Variants in MGLL observed in about 807,000 individuals in gnomAD.
The protein encoded by MGLL is lysophospholipase homolog.
In MGLL, 7 loss-of-function variants were observed where a neutral mutation model predicts 29.1. That is an observed-to-expected ratio of 0.24 (90% CI 0.14 to 0.45). MGLL has a LOEUF of 0.45. Ranked by LOEUF, MGLL falls within the 20% of genes least tolerant of loss-of-function variation. The pLI is 0.99. For missense variants in MGLL, 356 were observed against 413.6 expected, an observed-to-expected ratio of 0.86 and a Z score of 1.21; for synonymous variants, 148 against 168.3, an observed-to-expected ratio of 0.88 and a Z score of 0.93.
intron 3 of MGLL, 96 bp downstream of exon 3, chr3:127,781,693 G>T: frequency 1.8e-6 from 2 of 1,118,752 alleles, no homozygotes; most frequent in East Asian, 2.3e-5. Flanking sequence ...GGGAATAGAA[G>T]AATTGAGAAG....
At chr3:127,748,874 C>T (rs2076503862) in intron 3 of MGLL, among the ~76,000 whole-genome samples, 1 of 152,208 alleles carries the variant, frequency 6.6e-6, no homozygotes, top group Admixed American at 6.5e-5. Context: ...CTCACTGCCA[C>T]GTGACTCTGT....
chr3:127,766,421 A>C (rs1369899342), intron 3 of MGLL, among the ~76,000 whole-genome samples: 1 of 152,196 alleles, frequency 6.6e-6, no homozygotes, highest in Non-Finnish European at 1.5e-5. Context: ...AGTAAATCCT[A>C]CTCAGAAAAT....
At chr3:127,788,486 A>G (rs1412403850) in intron 2 of MGLL, among the ~76,000 whole-genome samples, 1 of 152,152 alleles carries the variant, frequency 6.6e-6, no homozygotes, top group Non-Finnish European at 1.5e-5. Flanking sequence ...AACACCACGT[A>G]ATGGTCAGGT....
At chr3:127,741,002 G>A (rs1176490552) in intron 3 of MGLL, among the ~76,000 whole-genome samples, 2 of 152,162 alleles carry the variant, frequency 1.3e-5, no homozygotes, top group African/African-American at 2.4e-5. Flanking sequence ...TGCTCCCCAC[G>A]GCTACCCCCA....
chr3:127,816,823 G>C (rs539842912), intron 2 of MGLL, among the ~76,000 whole-genome samples: 8 of 152,356 alleles, frequency 5.3e-5, no homozygotes, highest in African/African-American at 1.7e-4. Context: ...CTGCAGGAGG[G>C]AGGAGCCCTG....
chr3:127,701,057 A>T (rs1384022771), intron 6 of MGLL, among the ~76,000 whole-genome samples: 2 of 151,922 alleles, frequency 1.3e-5, no homozygotes, highest in Non-Finnish European at 2.9e-5. Flanking sequence ...TCTACAAAAA[A>T]TACAAAAATT....
Position 127,691,963 on chromosome 3 carries a change from C to A in MGLL, c.*235G>T. The A allele has an allele frequency of 1.0e-5, 6 of 574,016 alleles. No individual in the cohort carries two copies. The South Asian group carries it at 1.3e-4, about 12-fold the overall frequency. The allele number at this position is 574,016 out of a possible 1,614,324, so 35.6% of individuals were successfully genotyped here. A position where few individuals can be genotyped will look rare whatever the true frequency, so the allele number is the denominator to read the frequency against. On this transcript the variant is annotated 3_prime_UTR_variant, in exon 8 of 8. Coordinates refer to ENST00000265052, the MANE Select transcript of MGLL (RefSeq NM_007283.7). ...TTAGCACATTCTTTGTGGAAAATCA[C>A]CTGGGACCTTTCTCTTTTTTTGCAT...
intron 4 of MGLL, among the ~76,000 whole-genome samples, chr3:127,721,485 T>C (rs9817523): frequency 2.4e-3 from 331 of 140,312 alleles, no homozygotes; most frequent in African/African-American, 7.9e-3. Flanking sequence ...AATTCATCCA[T>C]CCCGACAGGC....
intron 2 of MGLL, among the ~76,000 whole-genome samples, chr3:127,805,037 C>T (rs758447696): frequency 1.5e-4 from 23 of 152,182 alleles, no homozygotes; most frequent in East Asian, 9.6e-4. Context: ...TGTTTAAAAA[C>T]GGCAGCTGCC....
intron 5 of MGLL, among the ~76,000 whole-genome samples, chr3:127,714,748 C>A (rs1301094912): frequency 3.9e-5 from 6 of 152,152 alleles, no homozygotes; most frequent in African/African-American, 4.8e-5. Context: ...TGCAAAGAGG[C>A]AGGAGGGGAC....
chr3:127,781,553 T>C (rs768738221), intron 3 of MGLL, among the ~76,000 whole-genome samples: 9 of 152,246 alleles, frequency 5.9e-5, no homozygotes, highest in Non-Finnish European at 1.0e-4. Context: ...GAGATGAACA[T>C]ATCCGACTTT....
At chr3:127,741,281 C>T (rs570157713) in intron 3 of MGLL, among the ~76,000 whole-genome samples, 1 of 152,204 alleles carries the variant, frequency 6.6e-6, no homozygotes, top group African/African-American at 2.4e-5. Flanking sequence ...GTGTGTGTGG[C>T]GACCCCAGCT....
intron 2 of MGLL, among the ~76,000 whole-genome samples, chr3:127,791,731 T>G (rs751066547): frequency 6.6e-6 from 1 of 152,224 alleles, no homozygotes; most frequent in Non-Finnish European, 1.5e-5. Context: ...ATCGGCTCCA[T>G]TTGTGTTTGT....
In MGLL at chr3:127,692,274, G is replaced by T; in HGVS notation, c.866C>A (p.Thr289Asn). 6.2e-7 allele frequency: 1 copy of T among 1,613,992 alleles called. No homozygotes were observed. Among genetic ancestry groups the T allele is most frequent in the Non-Finnish European group, 8.5e-7 (1 of 1,179,908 alleles). ...GTTTATTTCATGGAAGACGGAGTTGGTGACTTCAGGAAGCTCCTTGTGGAG... is the reference window on the plus strand; with the variant it reads ...GTTTATTTCATGGAAGACGGAGTTGTTGACTTCAGGAAGCTCCTTGTGGAG... The part of the protein sequence containing the change: ...HVLHKELPEV[T>N]NSVFHEINMW... The change falls in exon 8 of 8, where the codon ACC (threonine) becomes AAC (asparagine). Residue 289 changes from threonine (T) to asparagine (N), a missense_variant. Transcript: ENST00000265052.
intron 6 of MGLL, among the ~76,000 whole-genome samples, chr3:127,702,417 A>C (rs1213803085): frequency 1.3e-5 from 2 of 152,188 alleles, no homozygotes; most frequent in African/African-American, 4.8e-5. Flanking sequence ...CTGAGTCCCC[A>C]CAGTGACCTT....
Position 127,775,005 on chromosome 3 carries a change from A to T in MGLL, c.262+6784T>A, listed in dbSNP as rs185089652. On this transcript the variant is annotated intron_variant, in intron 3 of 7. Coordinates refer to ENST00000265052, the MANE Select transcript of MGLL (RefSeq NM_007283.7). ...TGACCTCATATCAGAGAGGGCACACAAACTCATATCCGAGACTTACATCAA... is the reference window on the plus strand; with the variant it reads ...TGACCTCATATCAGAGAGGGCACACTAACTCATATCCGAGACTTACATCAA... 1.8e-3 allele frequency among the ~76,000 whole-genome samples: 272 copies of T among 152,320 alleles called. 2 individuals are homozygous for T. Among genetic ancestry groups the T allele is most frequent in the African/African-American group, 5.3e-3 (219 of 41,558 alleles).
rs552349753 is a variant in MGLL at position 127,785,290 on chromosome 3, C to T, written c.156-3395G>A. On this transcript the variant is annotated intron_variant, in intron 2 of 7. Coordinates refer to ENST00000265052, the MANE Select transcript of MGLL (RefSeq NM_007283.7). ...GCCTGGTCTGGCCGGCCCTTCCCAG[C>T]TTCCTGCCCTGTTGCCACGAATACA... is the stretch of plus-strand genomic sequence containing the variant. Among the ~76,000 whole-genome samples the T allele has an allele frequency of 2.0e-5, 3 of 152,324 alleles. No individual in the cohort carries two copies. The East Asian group carries it at 5.8e-4, about 29-fold the overall frequency.
chr3:127,807,672 A>C (rs2077589791), intron 2 of MGLL, among the ~76,000 whole-genome samples: 1 of 151,372 alleles, frequency 6.6e-6, no homozygotes, highest in African/African-American at 2.4e-5. Context: ...ATACAAGAAC[A>C]GGGGCAGGAA....
intron 2 of MGLL, among the ~76,000 whole-genome samples, chr3:127,806,373 A>T (rs1286854485): frequency 1.3e-5 from 2 of 152,230 alleles, no homozygotes; most frequent in Non-Finnish European, 2.9e-5. Flanking sequence ...ACACTGACGG[A>T]TGTATGGATA....
Sources: gnomAD v4.1 joint callset for allele counts (sites outside exome capture counted in the v4.1 genomes callset) on GRCh38, gnomAD v4.1.1 for gene constraint, MANE v1.5 for transcripts, NCBI Gene and HGNC (gene_info 2026-07-23, HGNC 2026-07-21) for gene names.